DHX37: variants seen among roughly 807,000 people sequenced by gnomAD.
The protein encoded by DHX37 is DEAH-box helicase 37, also known as probable ATP-dependent RNA helicase DHX37.
In DHX37, 52 loss-of-function variants were observed where a neutral mutation model predicts 134.3. That is an observed-to-expected ratio of 0.39 (90% CI 0.31 to 0.49). The LOEUF is 0.49. DHX37 is among the 20% of genes least tolerant of loss of function. The pLI is 0.93. For synonymous variants in DHX37, 634 were observed against 670.7 expected, an observed-to-expected ratio of 0.95 and a Z score of 0.85; for missense variants, 1,344 against 1,580.8, an observed-to-expected ratio of 0.85 and a Z score of 2.54.
rs981686331 is a variant in DHX37, at chr12:124,964,270, C to A, written c.2045+124G>T. 203 of 1,451,928 alleles carry A rather than the reference C, an allele frequency of 1.4e-4. 2 individuals carry two copies. The highest frequency in any genetic ancestry group is 1.7e-4 in the Non-Finnish European group (187 of 1,095,542). 89.9% of individuals were successfully genotyped at this position (1,451,928 alleles called of 1,614,324 possible). ...AGGGCTGGGGAGCACCCCAAAGTCACAGGGGCCCGGCAGGACACGGAACAT... is the reference window on the plus strand; with the variant it reads ...AGGGCTGGGGAGCACCCCAAAGTCAAAGGGGCCCGGCAGGACACGGAACAT... On this transcript the variant is annotated intron_variant, in intron 15 of 26. Coordinates refer to ENST00000308736, the MANE Select transcript of DHX37 (RefSeq NM_032656.4).
At chr12:124,982,410 T>C in intron 3 of DHX37, 101 bp downstream of exon 3, 2 of 1,461,998 alleles carry the variant, frequency 1.4e-6, no homozygotes, top group South Asian at 1.3e-5. Context: ...CATAAAGGTA[T>C]TTTCTCAAAT....
chr12:124,966,793 C>G lies in DHX37; in HGVS notation c.1590G>C (p.Glu530Asp). 6.2e-7 allele frequency: 1 copy of G among 1,614,252 alleles called. No homozygotes were observed. Among genetic ancestry groups the G allele is most frequent in the Non-Finnish European group, 8.5e-7 (1 of 1,180,032 alleles). ...SRARAKKARA[E>D]VLPQINLDHY... ...GAGTCCCTGCCAGCCCCCCACGTAC[C>G]TCAGCCCGCGCCTTCTTGGCCCTGG... The change falls in exon 12 of 27, where the codon GAG becomes GAC. Residue 530 changes from glutamate (E) to aspartate (D), a missense_variant and splice_region_variant. Transcript: ENST00000308736.
chr12:124,983,178 G>A (rs1478625814), intron 2 of DHX37, among the ~76,000 whole-genome samples: 1 of 151,954 alleles, frequency 6.6e-6, no homozygotes, highest in Non-Finnish European at 1.5e-5. Flanking sequence ...GTGCGATCTT[G>A]GCTCACTGCA....
At chr12:124,964,247 G>T in intron 15 of DHX37, 147 bp downstream of exon 15, 1 of 1,193,954 alleles carries the variant, frequency 8.4e-7, no homozygotes, top group Non-Finnish European at 1.1e-6. Flanking sequence ...CCAGCAAAAG[G>T]GCTGGGGAGC....
rs1954736618 is a variant in DHX37 at position 124,980,550 on chromosome 12, C to G, written c.678G>C (p.Leu226=). ...CGGCGGGCTTAGCCAGGGCCCTGGG[C>G]AGTGGTGGGGCTGCAGCTGGAGGAG... ...VPPPPAAAPP[L]PRALAKPAVF... Residue 226 remains leucine (L), a synonymous_variant, in exon 4 of 27, where the codon CTG becomes CTC. Transcript: ENST00000308736. This position sits in a 1 kb window ranked among gnomAD's most constrained non-coding sequence, Gnocchi z 5.3. The G allele has an allele frequency of 6.2e-7, 1 of 1,612,412 alleles. No individual in the cohort carries two copies. Among genetic ancestry groups the G allele is most frequent in the South Asian group, 1.1e-5 (1 of 91,024 alleles).
chr12:124,950,600 G>A (rs1262744803), intron 22 of DHX37, 50 bp from the exon 23 acceptor site: 1 of 1,552,034 alleles, frequency 6.4e-7, no homozygotes, highest in African/African-American at 1.4e-5. Flanking sequence ...CTCCGTGGGA[G>A]GGGCTGCCAT....
intron 13 of DHX37, 36 bp from the exon 14 acceptor site, chr12:124,965,042 G>A (rs565357127): frequency 2.0e-5 from 31 of 1,572,058 alleles, no homozygotes; most frequent in South Asian, 1.3e-4. Context: ...CACCCAGGCC[G>A]GGACAGATGC....
At chr12:124,955,696 G>C (rs183277859) in intron 18 of DHX37, among the ~76,000 whole-genome samples, 12 of 152,262 alleles carry the variant, frequency 7.9e-5, no homozygotes, top group African/African-American at 2.4e-4. Context: ...AACTCTGTCC[G>C]TGCAGAGCAC....
In DHX37 at chr12:124,968,878, G is replaced by C; in HGVS notation, c.1282C>G (p.Pro428Ala). 1 of 1,614,086 alleles carries C rather than the reference G, an allele frequency of 6.2e-7. No individual in the cohort carries two copies. Among genetic ancestry groups the C allele is most frequent in the Non-Finnish European group, 8.5e-7 (1 of 1,180,028 alleles). ...GGACCCTGTGTTACCTTGATGACCGGCGGCGGCTTGGCGAAGAGCCGTGGG... is the reference window on the plus strand; with the variant it reads ...GGACCCTGTGTTACCTTGATGACCGCCGGCGGCTTGGCGAAGAGCCGTGGG... ...QNPRLFAKPP[P>A]VIKVESRQFP... The change falls in exon 9 of 27, where the codon CCG (proline) becomes GCG (alanine). Residue 428 changes from proline to alanine, a missense_variant. Around this residue, in one of 7 missense-constraint regions of DHX37, gnomAD observed 289 missense variants for 323.8 expected, o/e 0.89. Transcript: ENST00000308736.
Position 124,968,859 on chromosome 12 carries a change from T to G in DHX37, c.1293+8A>C. The G allele has an allele frequency of 1.9e-6, 3 of 1,613,980 alleles. No homozygotes were observed. The highest frequency in any genetic ancestry group is 2.5e-6 in the Non-Finnish European group (3 of 1,179,984). On this transcript the variant is annotated splice_region_variant and intron_variant, in intron 9 of 26. Transcript: ENST00000308736. ...CAAGCTCACAGAGGACATGGGACCC[T>G]GTGTTACCTTGATGACCGGCGGCGG...
At chr12:124,981,327 C>T (rs1954754859) in intron 3 of DHX37, among the ~76,000 whole-genome samples, 1 of 151,804 alleles carries the variant, frequency 6.6e-6, no homozygotes. Flanking sequence ...ATGAGCAGCA[C>T]AGGCTGAGGA....
chr12:124,972,642 T>A, intron 6 of DHX37, 43 bp from the exon 7 acceptor site: 1 of 1,606,536 alleles, frequency 6.2e-7, no homozygotes. Context: ...CGTGCCTGGC[T>A]GGGGCTGTCG....
intron 16 of DHX37, 78 bp downstream of exon 16, chr12:124,960,234 G>A (rs1166242655): frequency 6.4e-7 from 1 of 1,555,626 alleles, no homozygotes; most frequent in East Asian, 2.3e-5. Flanking sequence ...AGCAGACCCA[G>A]CTCTGGGCTC....
Position 124,950,448 on chromosome 12 carries a change from C to A in DHX37, c.3086G>T (p.Arg1029Leu), listed in dbSNP as rs765324771. 1 of 1,591,418 alleles carries A rather than the reference C, an allele frequency of 6.3e-7. No individual in the cohort carries two copies. Among genetic ancestry groups the A allele is most frequent in the Non-Finnish European group, 8.6e-7 (1 of 1,168,256 alleles). ...EEPAPTYCPERGRVLCHRASV... is the reference protein window; with the variant it reads ...EEPAPTYCPELGRVLCHRASV... Reference sequence around the variant, plus strand: ...GGCCCGGTGACACAGCACCCGCCCCCGCTCGGGGCAGTATGTAGGGGCTGG... The same window carrying A: ...GGCCCGGTGACACAGCACCCGCCCCAGCTCGGGGCAGTATGTAGGGGCTGG... The change falls in exon 23 of 27, where the codon CGG becomes CTG. Residue 1029 changes from arginine (R) to leucine (L), a missense_variant. Physicochemically the swap from Arg to Leu is moderately radical, Grantham distance 102 (BLOSUM62 -2). Around this residue, in one of 7 missense-constraint regions of DHX37, gnomAD observed 558 missense variants for 650.0 expected, o/e 0.86. Coordinates refer to ENST00000308736, the MANE Select transcript of DHX37 (RefSeq NM_032656.4).
intron 14 of DHX37, 138 bp from the exon 15 acceptor site, chr12:124,964,764 G>A (rs1387860853): frequency 6.8e-7 from 1 of 1,469,034 alleles, no homozygotes; most frequent in East Asian, 2.5e-5. Flanking sequence ...GGGGCCCAGT[G>A]CCTTGGGGGA....
intron 2 of DHX37, among the ~76,000 whole-genome samples, chr12:124,983,834 C>T (rs1954807054): frequency 6.6e-6 from 1 of 151,884 alleles, no homozygotes; most frequent in African/African-American, 2.4e-5. Flanking sequence ...AGTCTTCCCC[C>T]TACCAAGGCT....
At chr12:124,961,334 G>GCACA (rs72419893) in intron 15 of DHX37, among the ~76,000 whole-genome samples, 1 of 150,870 alleles carries the variant, frequency 6.6e-6, no homozygotes, top group Non-Finnish European at 1.5e-5. Flanking sequence ...ACACGTGCAC[G>GCACA]CACACACACA....
chr12:124,950,559 C>T lies in DHX37; in HGVS notation c.2984-9G>A. On this transcript the variant is annotated splice_polypyrimidine_tract_variant and intron_variant, in intron 22 of 26. Coordinates refer to ENST00000308736, the MANE Select transcript of DHX37 (RefSeq NM_032656.4). ...CTCCACGCTAGAGACGCCTGGGGGCCGGGGGAGGAAGCTGGGGTTACAGCG... is the reference window on the plus strand; with the variant it reads ...CTCCACGCTAGAGACGCCTGGGGGCTGGGGGAGGAAGCTGGGGTTACAGCG... The T allele has an allele frequency of 1.3e-6, 2 of 1,545,686 alleles. No homozygotes were observed. The highest frequency in any genetic ancestry group is 8.7e-7 in the Non-Finnish European group (1 of 1,146,896).
In DHX37 at chr12:124,986,238, G is replaced by A; in HGVS notation, c.134C>T (p.Ala45Val). 6.2e-7 allele frequency: 1 copy of A among 1,613,974 alleles called. No individual in the cohort carries two copies. The highest frequency in any genetic ancestry group is 8.5e-7 in the Non-Finnish European group (1 of 1,180,016). Residue 45 changes from alanine to valine, a missense_variant, in exon 2 of 27, where the codon GCA becomes GTA. By Grantham distance (64) the Ala-to-Val change is moderately conservative (BLOSUM62 0). Coordinates refer to ENST00000308736, the MANE Select transcript of DHX37 (RefSeq NM_032656.4). ...EDKDTLKGVD[A>V]SNALVLPGKK... is the part of the protein sequence containing the mutation. ...CCCCGGTAGAACGAGCGCGTTGCTT[G>A]CATCAACTCCCTTCAACGTGTCCTT...
Sources: allele counts gnomAD v4.1 joint callset (sites outside exome capture counted in the v4.1 genomes callset), GRCh38; gene constraint gnomAD v4.1.1; regional missense constraint gnomAD v4.1.1; non-coding constraint Gnocchi (gnomAD v3.1); transcripts MANE v1.5; gene names NCBI Gene and HGNC (gene_info 2026-07-23, HGNC 2026-07-21).